XIST: variants seen among roughly 807,000 people sequenced by gnomAD.
The protein encoded by XIST is X inactive specific transcript, also known as X inactive specific transcript (non-protein coding).
At chrX:73,852,405 A>G in exon 1 of XIST, 1 of 548,607 alleles carries the variant, frequency 1.8e-6, no homozygotes, top group Non-Finnish European at 3.3e-6. Context: ...AAGAGAGTGG[A>G]AGAGTAAAAA....
At chrX:73,850,153 A>T in exon 1 of XIST, 1 of 558,170 alleles carries the variant, frequency 1.8e-6, no homozygotes, top group Non-Finnish European at 3.2e-6. Context: ...TAGGTCATGA[A>T]GTTAAATTTT....
exon 1 of XIST, chrX:73,844,218 G>A (rs1249738543): frequency 1.8e-6 from 1 of 558,734 alleles, no homozygotes; most frequent in Non-Finnish European, 3.2e-6. Context: ...TGCAAATGGA[G>A]GGTGAGAAGG....
chrX:73,841,234 A>G, intron 1 of XIST: 1 of 372,071 alleles, frequency 2.7e-6, no homozygotes, highest in East Asian at 3.9e-5. Flanking sequence ...GTATGTATCT[A>G]TTTCTCTCTC....
intron 5 of XIST, chrX:73,828,314 G>A (rs1445382207): frequency 5.4e-6 from 1 of 184,529 alleles, no homozygotes; most frequent in Non-Finnish European, 9.9e-6. Flanking sequence ...GAACTTATGA[G>A]TCTTCTTGGG....
chrX:73,852,078 T>A (rs1231757293), exon 1 of XIST: 2 of 507,768 alleles, frequency 3.9e-6, no homozygotes, highest in African/African-American at 3.0e-5. Flanking sequence ...AAAGCAGGTA[T>A]CCGAGGCCCC....
exon 1 of XIST, chrX:73,843,285 G>A: frequency 1.8e-6 from 1 of 558,488 alleles, no homozygotes; most frequent in Non-Finnish European, 3.2e-6. Flanking sequence ...CAGTACAAGG[G>A]GCCTTAGTGG....
chrX:73,847,332 C>G (rs1039241940), exon 1 of XIST: 8 of 527,159 alleles, frequency 1.5e-5, no homozygotes, highest in East Asian at 1.4e-4. Flanking sequence ...AGAAGAAGCA[C>G]TAGCTAGTTA....
intron 2 of XIST, among the ~76,000 whole-genome samples, chrX:73,835,828 T>C (rs1024429959): frequency 2.7e-5 from 3 of 111,969 alleles, no homozygotes; most frequent in African/African-American, 9.7e-5. Flanking sequence ...CAAACTAATA[T>C]CTAATATAAA....
exon 6 of XIST, chrX:73,826,315 G>T: frequency 1.8e-6 from 1 of 559,104 alleles, no homozygotes; most frequent in Non-Finnish European, 3.2e-6. Context: ...AGAAAGGACT[G>T]AAATACAGTA....
At chrX:73,833,528 C>T (rs1333358666) in intron 2 of XIST, 1 of 351,296 alleles carries the variant, frequency 2.8e-6, no homozygotes, top group Non-Finnish European at 4.9e-6. Context: ...GCTTGGTCTC[C>T]CTAAAGTCCT....
intron 2 of XIST, among the ~76,000 whole-genome samples, chrX:73,834,784 G>A (rs913202846): frequency 4.2e-5 from 4 of 95,575 alleles, no homozygotes; most frequent in Non-Finnish European, 8.1e-5. Flanking sequence ...TCAGAAGTTC[G>A]AGACCAGCCT....
In XIST at chrX:73,845,560, G is replaced by T. The variant is rs867111485; in HGVS notation, n.7164C>A. On this transcript the variant is annotated non_coding_transcript_exon_variant, in exon 1 of 6. Coordinates refer to ENST00000429829, the Ensembl canonical transcript of XIST. ...TTTCATGTCTATTACACAGAAACTG[G>T]GATAAATATAATCACACACATAACA... 1.1e-5 allele frequency: 6 copies of T among 556,081 alleles called. No individual in the cohort carries two copies. In the Middle Eastern group the frequency reaches 1.5e-3, roughly 143 times the overall value. The allele number at this position is 556,081 out of a possible 1,213,427, so 45.8% of individuals were successfully genotyped here. A position where few individuals can be genotyped will look rare whatever the true frequency, so the allele number is the denominator to read the frequency against.
chrX:73,825,566 G>C (rs940772492), exon 6 of XIST: 13 of 513,507 alleles, frequency 2.5e-5, no homozygotes, highest in Admixed American at 5.3e-5. Context: ...TAATACATCA[G>C]GGGGTGGTAA....
chrX:73,851,932 A>G, exon 1 of XIST: 1 of 558,879 alleles, frequency 1.8e-6, no homozygotes, highest in Non-Finnish European at 3.2e-6. Context: ...GCAGCAAAAA[A>G]AAGTGTAGAT....
exon 6 of XIST, chrX:73,826,722 G>T (rs16992443): frequency 0.063 from 35,010 of 556,499 alleles, 1,250 homozygotes; most frequent in African/African-American, 0.21. Context: ...GATTCCGGCC[G>T]TTAGTCTTGA....
exon 1 of XIST, chrX:73,841,864 A>T (rs1272447041): frequency 9.7e-6 from 5 of 513,384 alleles, no homozygotes; most frequent in African/African-American, 9.2e-5. Context: ...GTTTTACTGC[A>T]ATCTTCTTGA....
At chrX:73,841,422 G>A (rs764645367) in exon 1 of XIST, 18 of 550,660 alleles carry the variant, frequency 3.3e-5, no homozygotes, top group South Asian at 2.8e-4. Flanking sequence ...ACAGCTGTCC[G>A]AGGAGCTAGT....
chrX:73,830,797 G>C (rs191032002), intron 4 of XIST, among the ~76,000 whole-genome samples: 53 of 111,686 alleles, frequency 4.7e-4, no homozygotes, highest in Non-Finnish European at 8.1e-4. Context: ...TCTCCTAAAA[G>C]AACAACTTAG....
rs997393647 is a variant in XIST, at chrX:73,825,123, T to G, written n.14778A>C. The stretch of plus-strand genomic sequence containing the variant: ...TTGGTAGCTCTAGCACCCAGCATGG[T>G]ATCTGGCACATTATAGGTGACCACA... On this transcript the variant is annotated non_coding_transcript_exon_variant, in exon 6 of 6. Coordinates refer to ENST00000429829, the Ensembl canonical transcript of XIST. 9 of 516,867 alleles carry G rather than the reference T, an allele frequency of 1.7e-5. No individual in the cohort carries two copies. The Admixed American group carries it at 2.4e-4, about 14-fold the overall frequency. 42.6% of individuals were successfully genotyped at this position (516,867 alleles called of 1,213,427 possible). A position where few individuals can be genotyped will look rare whatever the true frequency, so the allele number is the denominator to read the frequency against.
Sources: gnomAD v4.1 joint callset for allele counts (sites outside exome capture counted in the v4.1 genomes callset) on GRCh38, gnomAD v4.1.1 for gene constraint, MANE v1.5 for transcripts, NCBI Gene and HGNC (gene_info 2026-07-23, HGNC 2026-07-21) for gene names.